ABCB1: variants seen among roughly 807,000 people sequenced by gnomAD.
ABCB1 encodes the protein ATP-dependent translocase ABCB1.
Under a neutral mutation model 142.0 loss-of-function variants are expected in ABCB1, and 69 were observed. The observed-to-expected ratio is 0.49, with a 90% CI of 0.40 to 0.59. The LOEUF is 0.59. Among genes scored for constraint, ABCB1 ranks in the 20% least tolerant of loss-of-function variants. The pLI is 0.00. For synonymous variants in ABCB1, 532 were observed against 539.2 expected (o/e 0.99, Z 0.18); for missense variants, 1,326 against 1,554.7 (o/e 0.85, Z 2.47).
chr7:87,580,737 T>G (rs914561699), intron 4 of ABCB1, among the ~76,000 whole-genome samples: 2 of 152,290 alleles, frequency 1.3e-5, no homozygotes, highest in Admixed American at 1.3e-4. Flanking sequence ...CATGCTTCAT[T>G]CTTTTTTCTT....
Position 87,626,516 on chromosome 7 carries a change from A to G in ABCB1, c.-330-25438T>C, listed in dbSNP as rs868198526. On this transcript the variant is annotated intron_variant, in intron 1 of 28. Coordinates refer to the ABCB1 transcript ENST00000265724. ...TATGTGTCATATATGTGTCATATAT[A>G]TGTGTCATATATATGTGTCATATAT... Among the ~76,000 whole-genome samples the G allele has an allele frequency of 9.2e-4, 13 of 14,120 alleles. 4 individuals carry two copies. Among genetic ancestry groups the G allele is most frequent in the African/African-American group, 3.3e-3 (4 of 1,214 alleles). 9.3% of individuals were successfully genotyped at this position (14,120 alleles called of 152,430 possible). A position where few individuals can be genotyped will look rare whatever the true frequency, so the allele number is the denominator to read the frequency against.
intron 21 of ABCB1, among the ~76,000 whole-genome samples, chr7:87,530,222 A>G (rs1458553469): frequency 6.6e-6 from 1 of 152,186 alleles, no homozygotes; most frequent in East Asian, 1.9e-4. Context: ...TGTTCATCAC[A>G]CATATATCCC....
At chr7:87,677,507 T>A (rs1400133924) in intron 1 of ABCB1, among the ~76,000 whole-genome samples, 2 of 152,072 alleles carry the variant, frequency 1.3e-5, no homozygotes, top group Non-Finnish European at 2.9e-5. Flanking sequence ...AAATGTTGAT[T>A]ACCAGAGGCT....
chr7:87,703,984 G>T (rs1202642398), intron 1 of ABCB1, among the ~76,000 whole-genome samples: 2 of 113,502 alleles, frequency 1.8e-5, no homozygotes, highest in Non-Finnish European at 3.4e-5. Context: ...GCAAAGGTAC[G>T]ATCTCAGCTC....
chr7:87,690,929 A>G (rs1289051065), intron 1 of ABCB1, among the ~76,000 whole-genome samples: 1 of 152,162 alleles, frequency 6.6e-6, no homozygotes, highest in East Asian at 1.9e-4. Context: ...AAAAAAATAT[A>G]TATGCAGAGA....
intron 1 of ABCB1, among the ~76,000 whole-genome samples, chr7:87,681,050 T>C (rs1826884661): frequency 6.6e-6 from 1 of 150,504 alleles, no homozygotes; most frequent in Non-Finnish European, 1.5e-5. Context: ...GGCATATGAC[T>C]ACAGACCTTA....
At chr7:87,676,033 C>T (rs1344173423) in intron 1 of ABCB1, among the ~76,000 whole-genome samples, 2 of 151,562 alleles carry the variant, frequency 1.3e-5, no homozygotes, top group Non-Finnish European at 2.9e-5. Context: ...TGAGATCTAC[C>T]TGGGCAACAT....
chr7:87,550,617 A>G (rs1234536472), intron 10 of ABCB1, 39 bp from the exon 11 acceptor site: 6 of 1,591,736 alleles, frequency 3.8e-6, no homozygotes, highest in Middle Eastern at 1.7e-4. Context: ...CTAGGTTACA[A>G]TAACTACTTT....
At chr7:87,693,638 A>G (rs1828214578) in intron 1 of ABCB1, among the ~76,000 whole-genome samples, 1 of 152,182 alleles carries the variant, frequency 6.6e-6, no homozygotes, top group Non-Finnish European at 1.5e-5. Context: ...GTAAAAGTAA[A>G]CAGGAAACAA....
intron 1 of ABCB1, among the ~76,000 whole-genome samples, chr7:87,701,263 C>T (rs548727808): frequency 2.0e-5 from 3 of 151,868 alleles, no homozygotes; most frequent in Non-Finnish European, 4.4e-5. Flanking sequence ...GATATTTTCT[C>T]AAAAAAAGAA....
At chr7:87,582,438 A>C (rs551735887) in intron 4 of ABCB1, among the ~76,000 whole-genome samples, 2 of 152,274 alleles carry the variant, frequency 1.3e-5, no homozygotes, top group Non-Finnish European at 2.9e-5. Context: ...ACCCTTGTCC[A>C]TCCCTCCCAC....
intron 1 of ABCB1, among the ~76,000 whole-genome samples, chr7:87,705,742 A>T (rs1829525604): frequency 6.6e-6 from 1 of 152,038 alleles, no homozygotes; most frequent in South Asian, 2.1e-4. Flanking sequence ...TTCTGAACTC[A>T]CCCATCTTCC....
intron 1 of ABCB1, among the ~76,000 whole-genome samples, chr7:87,671,354 G>T (rs1358099515): frequency 6.6e-6 from 1 of 152,170 alleles, no homozygotes; most frequent in African/African-American, 2.4e-5. Flanking sequence ...CCTGTCCAGG[G>T]AGTTGCCAAG....
At position 87,553,436 on chromosome 7, in the gene ABCB1, T is replaced by G. The variant is rs536500697; in HGVS notation, c.999+325A>C. Among the ~76,000 whole-genome samples, 3 of 149,132 alleles carry G rather than the reference T, an allele frequency of 2.0e-5. No homozygotes were observed. The South Asian group carries it at 6.5e-4, about 32-fold the overall frequency. The stretch of plus-strand genomic sequence containing the variant: ...CCCGGGTTAACGCCATTCTCTTGCC[T>G]CAGCCTCCTGAGTAGCTGGGACTAC... On this transcript the variant is annotated intron_variant, in intron 9 of 27. Transcript: ENST00000622132.
chr7:87,682,647 A>T (rs1827041138), intron 1 of ABCB1, among the ~76,000 whole-genome samples: 1 of 152,178 alleles, frequency 6.6e-6, no homozygotes, highest in African/African-American at 2.4e-5. Context: ...GGATCAAAAC[A>T]ATGGGCTTTG....
chr7:87,697,772 C>T (rs141368882), intron 1 of ABCB1, among the ~76,000 whole-genome samples: 120 of 152,196 alleles, frequency 7.9e-4, no homozygotes, highest in African/African-American at 2.7e-3. Context: ...TAGGTACTAT[C>T]GTTATTTTCA....
chr7:87,611,279 A>G (rs1378585818), intron 1 of ABCB1, among the ~76,000 whole-genome samples: 1 of 152,018 alleles, frequency 6.6e-6, no homozygotes, highest in African/African-American at 2.4e-5. Context: ...GAGCTTTTCT[A>G]GGCTTTATAT....
intron 1 of ABCB1, among the ~76,000 whole-genome samples, chr7:87,610,183 G>C (rs1363306638): frequency 1.3e-5 from 2 of 150,468 alleles, no homozygotes; most frequent in African/African-American, 4.9e-5. Flanking sequence ...CTTCTAATTG[G>C]CAACAAGTCA....
rs774736214 is a variant in ABCB1, at chr7:87,566,844, T to A, written c.471A>T (p.Arg157=). 4.3e-6 allele frequency: 7 copies of A among 1,614,204 alleles called. No individual in the cohort carries two copies. The highest frequency in any genetic ancestry group is 5.9e-6 in the Non-Finnish European group (7 of 1,180,032). ...GCACATCAAACCAGCCTATCTCCTG[T>A]CGCATTATAGCATGAAAAAACTGTT... ...IRKQFFHAIM[R]QEIGWFDVHD... Residue 157 remains arginine (R), a synonymous_variant, in exon 6 of 28, where the codon CGA becomes CGT. Transcript: ENST00000622132.
Sources: allele counts gnomAD v4.1 joint callset (sites outside exome capture counted in the v4.1 genomes callset), GRCh38; gene constraint gnomAD v4.1.1; transcripts MANE v1.5; gene names NCBI Gene and HGNC (gene_info 2026-07-23, HGNC 2026-07-21).